SETD3: variants seen among roughly 807,000 people sequenced by gnomAD.
The protein encoded by SETD3 is SET domain containing 3, actin N3(tau)-histidine methyltransferase.
Under a neutral mutation model 63.0 loss-of-function variants are expected in SETD3, and 19 were observed. That is an observed-to-expected ratio of 0.30 (90% CI 0.21 to 0.44). SETD3 has a LOEUF of 0.44. SETD3 is among the 20% of genes least tolerant of loss of function. The pLI is 1.00. For synonymous variants in SETD3, 286 were observed against 264.1 expected, an observed-to-expected ratio of 1.08 and a Z score of -0.80; for missense variants, 587 against 728.5, an observed-to-expected ratio of 0.81 and a Z score of 2.24.
In SETD3 at chr14:99,398,785, G is replaced by C; in HGVS notation, c.1679C>G (p.Pro560Arg). The change falls in exon 13 of 13, where the codon CCT becomes CGT. Residue 560 changes from proline to arginine, a missense_variant. Transcript: ENST00000331768. ...TTCATTTTCGGACCTGGTCCCATTA[G>C]GGATAGAGTTTTCACCGTTTACAAG... ...NGLVNGENSI[P>R]NGTRSENESL... 6.2e-7 allele frequency: 1 copy of C among 1,614,198 alleles called. No homozygotes were observed.
intron 4 of SETD3, 102 bp from the exon 5 acceptor site, chr14:99,459,287 T>A (rs1227970069): frequency 1.3e-5 from 9 of 696,326 alleles, no homozygotes; most frequent in Non-Finnish European, 2.0e-5. Context: ...AAGTACAACT[T>A]AAGGCTGCAT....
At chr14:99,434,325 C>T (rs1020721460) in intron 6 of SETD3, among the ~76,000 whole-genome samples, 5 of 152,128 alleles carry the variant, frequency 3.3e-5, no homozygotes, top group African/African-American at 9.7e-5. Flanking sequence ...GCTCCCCCAA[C>T]GCAAAAACCC....
intron 6 of SETD3, among the ~76,000 whole-genome samples, chr14:99,453,392 G>A (rs1595237049): frequency 6.6e-6 from 1 of 152,198 alleles, no homozygotes; most frequent in South Asian, 2.1e-4. Flanking sequence ...TTTTGCTTAA[G>A]TGTGTTTTGC....
chr14:99,419,665 CT>C (rs1892474203), intron 6 of SETD3, among the ~76,000 whole-genome samples: 1 of 150,242 alleles, frequency 6.7e-6, no homozygotes, highest in African/African-American at 2.4e-5. Flanking sequence ...GTCCCAGCTA[CT>C]TGGGAGGCTG....
chr14:99,470,501 C>T (rs938839429), intron 1 of SETD3, among the ~76,000 whole-genome samples: 3 of 152,162 alleles, frequency 2.0e-5, no homozygotes, highest in Non-Finnish European at 4.4e-5. Flanking sequence ...ATGTATCTCC[C>T]TAGGGCACAG....
intron 6 of SETD3, among the ~76,000 whole-genome samples, chr14:99,417,748 A>G (rs944963767): frequency 6.6e-6 from 1 of 152,216 alleles, no homozygotes; most frequent in African/African-American, 2.4e-5. Context: ...AACAAAATAC[A>G]TTTGCGTTAA....
intron 4 of SETD3, among the ~76,000 whole-genome samples, chr14:99,460,895 CT>C: frequency 6.6e-6 from 1 of 152,048 alleles, no homozygotes; most frequent in South Asian, 2.1e-4. Flanking sequence ...AGTCCACCTC[CT>C]TATCTTTAGG....
At chr14:99,410,919 T>G (rs374646369) in intron 8 of SETD3, among the ~76,000 whole-genome samples, 6 of 152,176 alleles carry the variant, frequency 3.9e-5, no homozygotes, top group Non-Finnish European at 7.4e-5. Flanking sequence ...AGACTGACAA[T>G]AAGAAGATGA....
chr14:99,412,271 T>G (rs1892035190), intron 8 of SETD3: 1 of 152,824 alleles, frequency 6.5e-6, no homozygotes, highest in Non-Finnish European at 1.5e-5. Flanking sequence ...AGAGCCTGCC[T>G]CCACCTCTTC....
At chr14:99,416,168 T>C (rs561757739) in intron 6 of SETD3, among the ~76,000 whole-genome samples, 1 of 152,312 alleles carries the variant, frequency 6.6e-6, no homozygotes, top group Admixed American at 6.5e-5. Flanking sequence ...TTCTGAAGAA[T>C]TGAACAAGGA....
intron 1 of SETD3, 25 bp from the exon 2 acceptor site, chr14:99,465,838 A>G (rs147664479): frequency 6.6e-7 from 1 of 1,521,312 alleles, no homozygotes; most frequent in East Asian, 2.3e-5. Flanking sequence ...AAGAAAAGAG[A>G]AAAAAATTAC....
intron 9 of SETD3, among the ~76,000 whole-genome samples, chr14:99,406,203 G>T (rs982036546): frequency 6.6e-6 from 1 of 151,836 alleles, no homozygotes; most frequent in African/African-American, 2.4e-5. Flanking sequence ...ACATTGTTTA[G>T]TGTCATAACA....
At chr14:99,456,400 TA>T (rs1354030992) in intron 6 of SETD3, among the ~76,000 whole-genome samples, 1 of 152,218 alleles carries the variant, frequency 6.6e-6, no homozygotes, top group East Asian at 1.9e-4. Context: ...CTAAATTTTT[TA>T]GTAAAGAGGA....
At chr14:99,418,925 G>T (rs1595169475) in intron 6 of SETD3, among the ~76,000 whole-genome samples, 1 of 152,124 alleles carries the variant, frequency 6.6e-6, no homozygotes, top group Non-Finnish European at 1.5e-5. Context: ...CCAAATGCAG[G>T]CTCATAAGCA....
chr14:99,465,207 C>G (rs1056963639), intron 2 of SETD3, among the ~76,000 whole-genome samples: 4 of 152,186 alleles, frequency 2.6e-5, no homozygotes, highest in Admixed American at 2.6e-4. Context: ...CAGTGAGGGG[C>G]AGAGCTCTGA....
At chr14:99,406,818 C>T (rs959012775) in intron 8 of SETD3, among the ~76,000 whole-genome samples, 4 of 152,206 alleles carry the variant, frequency 2.6e-5, no homozygotes, top group Non-Finnish European at 5.9e-5. Flanking sequence ...ATAAAGGAAG[C>T]ACAGTTAGAT....
At chr14:99,440,731 G>A (rs1893756866) in intron 6 of SETD3, among the ~76,000 whole-genome samples, 1 of 150,808 alleles carries the variant, frequency 6.6e-6, no homozygotes. Context: ...AGGGAACACT[G>A]GGTGAAAAAA....
chr14:99,433,362 A>G (rs1457402105), intron 6 of SETD3, among the ~76,000 whole-genome samples: 1 of 152,180 alleles, frequency 6.6e-6, no homozygotes, highest in Non-Finnish European at 1.5e-5. Flanking sequence ...ACAGTGTAAA[A>G]TATATTAATA....
chr14:99,454,282 T>C (rs923851892), intron 6 of SETD3, among the ~76,000 whole-genome samples: 1 of 152,012 alleles, frequency 6.6e-6, no homozygotes, highest in African/African-American at 2.4e-5. Flanking sequence ...CTTGACCTCT[T>C]AGGCTCAAGC....
Sources: allele counts gnomAD v4.1 joint callset (sites outside exome capture counted in the v4.1 genomes callset), GRCh38; gene constraint gnomAD v4.1.1; transcripts MANE v1.5; gene names NCBI Gene and HGNC (gene_info 2026-07-23, HGNC 2026-07-21).